Variants in TGFA observed in about 807,000 individuals in gnomAD.
TGFA encodes the protein transforming growth factor alpha, also known as protransforming growth factor alpha.
A neutral mutation model predicts 21.7 loss-of-function variants in TGFA; 12 were observed. The ratio of observed to expected loss-of-function variants is 0.55; its 90% CI spans 0.35 to 0.90. The LOEUF is 0.90. TGFA is among the 40% of genes least tolerant of loss of function. TGFA has a pLI of 0.01. For synonymous variants in TGFA, 79 were observed against 88.1 expected (o/e 0.90, Z 0.58); for missense variants, 178 against 210.8 (o/e 0.84, Z 0.96).
chr2:70,454,106 C>G (rs1220794036), intron 4 of TGFA, among the ~76,000 whole-genome samples: 1 of 152,126 alleles, frequency 6.6e-6, no homozygotes, highest in Non-Finnish European at 1.5e-5. Flanking sequence ...TCGTGGAGAA[C>G]TTTGTTTCCA....
In TGFA at chr2:70,447,724, C is replaced by T. The variant is rs1669923985; in HGVS notation, c.*3135G>A. ...AGAGAGAACAGGTCTTATGTTAGAA[C>T]ATTTAAAAATATACATGTTTGTCTT... On this transcript the variant is annotated 3_prime_UTR_variant, in exon 6 of 6. Coordinates refer to ENST00000295400, the MANE Select transcript of TGFA (RefSeq NM_003236.4). The T allele has an allele frequency of 6.6e-6, 1 of 152,194 alleles. No individual in the cohort carries two copies. The allele number at this position is 152,194 out of a possible 1,614,324, so 9.4% of individuals were successfully genotyped here. A position where few individuals can be genotyped will look rare whatever the true frequency, so the allele number is the denominator to read the frequency against.
chr2:70,532,038 T>C (rs1305643556), intron 1 of TGFA, among the ~76,000 whole-genome samples: 2 of 152,164 alleles, frequency 1.3e-5, no homozygotes, highest in Non-Finnish European at 2.9e-5. Context: ...TTCCCCCCAG[T>C]ATAAGGGAGG....
Position 70,553,521 on chromosome 2 carries a change from G to T in TGFA, c.40+207C>A, listed in dbSNP as rs1260027907. ...GCACGGCCCAGGCAGCCACTTTCCC[G>T]GGGAAGCCTCGGCGCTCGACCGGAC... On this transcript the variant is annotated intron_variant, in intron 1 of 5. Coordinates refer to ENST00000295400, the MANE Select transcript of TGFA (RefSeq NM_003236.4). The T allele has an allele frequency of 3.6e-6, 5 of 1,373,204 alleles. No homozygotes were observed. The Admixed American group carries it at 1.4e-4, about 38-fold the overall frequency. The allele number at this position is 1,373,204 out of a possible 1,614,324, so 85.1% of individuals were successfully genotyped here. A position where few individuals can be genotyped will look rare whatever the true frequency, so the allele number is the denominator to read the frequency against.
intron 2 of TGFA, among the ~76,000 whole-genome samples, chr2:70,504,473 C>CATATATATATATATATATATATAA (rs376988843): frequency 1.3e-5 from 1 of 78,818 alleles, no homozygotes; most frequent in Non-Finnish European, 2.7e-5. Context: ...TACACACATA[C>CATATATATATATATATATATATAA]ATACATACAT....
rs1553489967 is a variant in TGFA, at chr2:70,453,276, C to T, written c.417G>A (p.Arg139=). The change falls in exon 5 of 6, where the codon CGG becomes CGA. Residue 139 remains arginine, a synonymous_variant. Coordinates refer to ENST00000295400, the MANE Select transcript of TGFA (RefSeq NM_003236.4). ...TCAGGAGGGCGCTGGGCTTCTCGTGCCGGCAGATGAGGGCCCGGCACCACT... is the reference window on the plus strand; with the variant it reads ...TCAGGAGGGCGCTGGGCTTCTCGTGTCGGCAGATGAGGGCCCGGCACCACT... ...HCEWCRALIC[R]HEKPSALLKG... is the part of the protein sequence containing the mutation. 1 of 1,613,942 alleles carries T rather than the reference C, an allele frequency of 6.2e-7. No homozygotes were observed. The highest frequency in any genetic ancestry group is 2.2e-5 in the East Asian group (1 of 44,886).
intron 2 of TGFA, among the ~76,000 whole-genome samples, chr2:70,496,062 C>T (rs1224484528): frequency 1.3e-5 from 2 of 152,100 alleles, no homozygotes; most frequent in Non-Finnish European, 2.9e-5. Context: ...GCCTGGCTGC[C>T]GTGGAGATCT....
At chr2:70,522,800 C>G (rs1413101331) in intron 1 of TGFA, among the ~76,000 whole-genome samples, 1 of 152,166 alleles carries the variant, frequency 6.6e-6, no homozygotes, top group Non-Finnish European at 1.5e-5. Flanking sequence ...GTTTGCTGCA[C>G]AGAGCACTTG....
At position 70,447,845 on chromosome 2, in the gene TGFA, G is replaced by A. The variant is rs1290656467; in HGVS notation, c.*3014C>T. On this transcript the variant is annotated 3_prime_UTR_variant, in exon 6 of 6. Coordinates refer to ENST00000295400, the MANE Select transcript of TGFA (RefSeq NM_003236.4). ...AGATCAAAGCCCAGAACCAACTAGA[G>A]GGCAGGGGTCTCCTGAGCAGTGTTA... The A allele has an allele frequency of 6.6e-6, 1 of 152,184 alleles. No individual in the cohort carries two copies. The highest frequency in any genetic ancestry group is 2.4e-5 in the African/African-American group (1 of 41,438). The allele number at this position is 152,184 out of a possible 1,614,324, so 9.4% of individuals were successfully genotyped here. A position where few individuals can be genotyped will look rare whatever the true frequency, so the allele number is the denominator to read the frequency against.
chr2:70,504,595 G>T (rs1409976181), intron 2 of TGFA, among the ~76,000 whole-genome samples: 1 of 148,946 alleles, frequency 6.7e-6, no homozygotes, highest in African/African-American at 2.5e-5. Context: ...CATGTGCATT[G>T]GTATATATGT....
chr2:70,476,093 A>AT (rs1402614842), intron 2 of TGFA, among the ~76,000 whole-genome samples: 3 of 149,926 alleles, frequency 2.0e-5, no homozygotes, highest in African/African-American at 7.4e-5. Context: ...AAAAAAAAAA[A>AT]AAAAAAAAAA....
At position 70,454,763 on chromosome 2, in the gene TGFA, A is replaced by C. The variant is rs1670173829; in HGVS notation, c.366-1436T>G. 2.0e-5 allele frequency among the ~76,000 whole-genome samples: 3 copies of C among 152,174 alleles called. No individual in the cohort carries two copies. In the South Asian group the frequency reaches 6.2e-4, roughly 32 times the overall value. On this transcript the variant is annotated intron_variant, in intron 4 of 5. Coordinates refer to ENST00000295400, the MANE Select transcript of TGFA (RefSeq NM_003236.4). Reference sequence around the variant, plus strand: ...GAACTTGGTCTCTGGCAGGGAGACCAAGGCTGGGAAGGGACACAGGAGTTG... The same window carrying C: ...GAACTTGGTCTCTGGCAGGGAGACCCAGGCTGGGAAGGGACACAGGAGTTG...
At chr2:70,521,176 G>T (rs1382629907) in intron 1 of TGFA, among the ~76,000 whole-genome samples, 1 of 152,012 alleles carries the variant, frequency 6.6e-6, no homozygotes, top group Non-Finnish European at 1.5e-5. Context: ...CTCTCCATGG[G>T]CTCTGTACCA....
In TGFA at chr2:70,457,919, C is replaced by T. The variant is rs1020013277; in HGVS notation, c.216-1431G>A. Among the ~76,000 whole-genome samples, 5 of 152,234 alleles carry T rather than the reference C, an allele frequency of 3.3e-5. No homozygotes were observed. In the East Asian group the frequency reaches 9.7e-4, roughly 29 times the overall value. The stretch of plus-strand genomic sequence containing the variant: ...AGTTTTGTTTAGTTTTGTTTTTCCC[C>T]CAGACATGGCAGTGATAGCTAAACT... On this transcript the variant is annotated intron_variant, in intron 3 of 5. Transcript: ENST00000295400.
At chr2:70,469,589 G>A (rs1396669510) in intron 2 of TGFA, among the ~76,000 whole-genome samples, 9 of 152,098 alleles carry the variant, frequency 5.9e-5, no homozygotes, top group Non-Finnish European at 8.8e-5. Flanking sequence ...TGCCTACCTC[G>A]GCCTCCCAAA....
chr2:70,514,714 C>T, intron 2 of TGFA, 145 bp downstream of exon 2: 1 of 880,026 alleles, frequency 1.1e-6, no homozygotes, highest in Non-Finnish European at 1.8e-6. Flanking sequence ...GCCTCCTCGC[C>T]CCTGAGGAGG....
At chr2:70,516,836 A>G (rs376500513) in intron 1 of TGFA, among the ~76,000 whole-genome samples, 1 of 151,862 alleles carries the variant, frequency 6.6e-6, no homozygotes, top group South Asian at 2.1e-4. Flanking sequence ...TGCTTTGCAT[A>G]CTCTGAGGGG....
At chr2:70,514,409 A>T (rs1230725439) in intron 2 of TGFA, among the ~76,000 whole-genome samples, 1 of 139,234 alleles carries the variant, frequency 7.2e-6, no homozygotes, top group Non-Finnish European at 1.5e-5. Flanking sequence ...AAATAATAAT[A>T]AAAAAAAATA....
chr2:70,536,602 T>A (rs1672974138), intron 1 of TGFA, among the ~76,000 whole-genome samples: 1 of 152,052 alleles, frequency 6.6e-6, no homozygotes, highest in Non-Finnish European at 1.5e-5. Context: ...AAACAACACA[T>A]GGGTCAAAAA....
intron 2 of TGFA, among the ~76,000 whole-genome samples, chr2:70,483,027 G>T (rs1263989583): frequency 6.6e-6 from 1 of 152,124 alleles, no homozygotes; most frequent in Non-Finnish European, 1.5e-5. Context: ...GAGGTCACTG[G>T]CATTGTTCCT....
Sources: allele counts gnomAD v4.1 joint callset (sites outside exome capture counted in the v4.1 genomes callset), GRCh38; gene constraint gnomAD v4.1.1; transcripts MANE v1.5; gene names NCBI Gene and HGNC (gene_info 2026-07-23, HGNC 2026-07-21).